The following PCDHGB4 variants were observed in gnomAD, a reference collection of about 807,000 sequenced individuals.
PCDHGB4 encodes protocadherin gamma-B4.
Under a neutral mutation model 60.5 loss-of-function variants are expected in PCDHGB4, and 38 were observed. That is an observed-to-expected ratio of 0.63 (90% CI 0.48 to 0.82). The LOEUF is 0.82. Ranked by LOEUF, PCDHGB4 falls within the 40% of genes least tolerant of loss-of-function variation. PCDHGB4 has a pLI of 0.00. For synonymous variants in PCDHGB4, 456 were observed against 509.7 expected (o/e 0.89, Z 1.42); for missense variants, 1,109 against 1,209.6 (o/e 0.92, Z 1.23).
chr5:141,476,743 T>A lies in PCDHGB4; in HGVS notation c.2398-18064T>A. On this transcript the variant is annotated intron_variant, in intron 1 of 3. Coordinates refer to ENST00000519479, the MANE Select transcript of PCDHGB4 (RefSeq NM_003736.4). The surrounding 1 kb of genome is among the most constrained non-coding windows in gnomAD (Gnocchi z 7.6). ...CCCTGGACCGAGAACGGGAGCCTAG[T>A]CTCCAGTTAGTGCTGACGGCGTTGG... is the stretch of plus-strand genomic sequence containing the variant. The A allele has an allele frequency of 6.2e-7, 1 of 1,613,932 alleles. No individual in the cohort carries two copies. The highest frequency in any genetic ancestry group is 1.1e-5 in the South Asian group (1 of 91,064).
chr5:141,506,266 T>A (rs1397052417), intron 3 of PCDHGB4, among the ~76,000 whole-genome samples: 1 of 151,862 alleles, frequency 6.6e-6, no homozygotes, highest in Non-Finnish European at 1.5e-5. Context: ...CTGGCCAACA[T>A]AGTGAAACCC....
At chr5:141,419,724 G>T in intron 1 of PCDHGB4, 1 of 1,613,488 alleles carries the variant, frequency 6.2e-7, no homozygotes, top group Non-Finnish European at 8.5e-7. Flanking sequence ...CTGGGGCTGC[G>T]AACAGGCGAG....
At chr5:141,414,949 G>C (rs774769957) in intron 1 of PCDHGB4, 13 of 1,613,978 alleles carry the variant, frequency 8.1e-6, no homozygotes, top group African/African-American at 1.3e-5. Context: ...CGGCTACCTG[G>C]TGACCAAGGT....
intron 2 of PCDHGB4, among the ~76,000 whole-genome samples, chr5:141,500,399 C>T (rs966328306): frequency 1.3e-5 from 2 of 151,806 alleles, no homozygotes; most frequent in South Asian, 2.1e-4. Context: ...TTAGTAGAGA[C>T]GGGGTTTCAC....
chr5:141,436,167 G>A (rs933669166), intron 1 of PCDHGB4, among the ~76,000 whole-genome samples: 2 of 152,088 alleles, frequency 1.3e-5, no homozygotes, highest in Non-Finnish European at 2.9e-5. Flanking sequence ...CATATGGACA[G>A]TTCTCATATA....
Position 141,485,665 on chromosome 5 carries a change from C to G in PCDHGB4, c.2398-9142C>G. ...AGGCTCAGGATGCAGATGTGGGGAG[C>G]AATTCGATTAGCAGCTATAGGCTGA... On this transcript the variant is annotated intron_variant, in intron 1 of 3. Coordinates refer to ENST00000519479, the MANE Select transcript of PCDHGB4 (RefSeq NM_003736.4). This position sits in a 1 kb window ranked among gnomAD's most constrained non-coding sequence, Gnocchi z 5.7. 1 of 1,612,622 alleles carries G rather than the reference C, an allele frequency of 6.2e-7. No individual in the cohort carries two copies.
chr5:141,422,028 A>C, intron 1 of PCDHGB4: 1 of 1,611,196 alleles, frequency 6.2e-7, no homozygotes, highest in Non-Finnish European at 8.5e-7. Flanking sequence ...TGGTTAATGC[A>C]ACGGATCCAG....
chr5:141,480,217 G>A (rs1443825272), intron 1 of PCDHGB4, among the ~76,000 whole-genome samples: 2 of 147,950 alleles, frequency 1.4e-5, no homozygotes, highest in Non-Finnish European at 3.0e-5. Context: ...CAGCCTGAGC[G>A]ACATAGTGAG....
intron 3 of PCDHGB4, chr5:141,508,128 T>C (rs1490298338): frequency 6.6e-6 from 1 of 151,706 alleles, no homozygotes; most frequent in African/African-American, 2.4e-5. Context: ...CAGAGGGAGG[T>C]CAGGGAGCTG....
chr5:141,408,431 G>A, intron 1 of PCDHGB4: 1 of 1,614,064 alleles, frequency 6.2e-7, no homozygotes. Flanking sequence ...GCACTTCAGC[G>A]TAGACGCGGA....
chr5:141,400,133 C>T, intron 1 of PCDHGB4: 1 of 1,614,066 alleles, frequency 6.2e-7, no homozygotes, highest in Non-Finnish European at 8.5e-7. Context: ...GAGGTGCTGC[C>T]GGATATCACT....
At chr5:141,405,978 T>G (rs1280230437) in intron 1 of PCDHGB4, among the ~76,000 whole-genome samples, 1 of 152,144 alleles carries the variant, frequency 6.6e-6, no homozygotes, top group Non-Finnish European at 1.5e-5. Context: ...TAAACCATAC[T>G]TCATGGGGTA....
At chr5:141,478,044 C>T in intron 1 of PCDHGB4, 2 of 1,614,184 alleles carry the variant, frequency 1.2e-6, no homozygotes, top group South Asian at 1.1e-5. Flanking sequence ...CCCAGGCAGA[C>T]TCTCACGGTC....
Position 141,489,662 on chromosome 5 carries a change from G to T in PCDHGB4, c.2398-5145G>T, listed in dbSNP as rs2233601. On this transcript the variant is annotated intron_variant, in intron 1 of 3. Transcript: ENST00000519479. The surrounding 1 kb of genome is among the most constrained non-coding windows in gnomAD (Gnocchi z 4.5). Reference sequence around the variant, plus strand: ...TTTGCCACCCCTGAGCGAGAGATGCGCATCTCAGAATCAGCAGCATCTGGG... The same window carrying T: ...TTTGCCACCCCTGAGCGAGAGATGCTCATCTCAGAATCAGCAGCATCTGGG... 2.5e-6 allele frequency: 4 copies of T among 1,614,024 alleles called. No homozygotes were observed. The African/African-American group carries it at 4.0e-5, about 16-fold the overall frequency.
At chr5:141,401,861 G>T (rs934405271) in intron 1 of PCDHGB4, among the ~76,000 whole-genome samples, 1 of 152,122 alleles carries the variant, frequency 6.6e-6, no homozygotes, top group African/African-American at 2.4e-5. Flanking sequence ...TAACCTTTCA[G>T]TAGTTTTCTT....
intron 1 of PCDHGB4, chr5:141,404,204 T>A: frequency 6.2e-7 from 1 of 1,613,718 alleles, no homozygotes; most frequent in Non-Finnish European, 8.5e-7. Context: ...AGCCTCAGAA[T>A]ATAATATCAC....
chr5:141,433,042 G>T (rs752612411), intron 1 of PCDHGB4: 10 of 1,614,024 alleles, frequency 6.2e-6, no homozygotes, highest in East Asian at 4.5e-5. Flanking sequence ...CCCTCACCAC[G>T]GACTCGCGGA....
chr5:141,476,551 C>G lies in PCDHGB4; in HGVS notation c.2398-18256C>G, dbSNP rs367700651. ...CCCAGGAAATGAAATTGGAGATTAG[C>G]GAGGCCGTGGCTCCGGGGACGCGCT... On this transcript the variant is annotated intron_variant, in intron 1 of 3. Transcript: ENST00000519479. The surrounding 1 kb of genome is among the most constrained non-coding windows in gnomAD (Gnocchi z 7.6). 128 of 1,614,078 alleles carry G rather than the reference C, an allele frequency of 7.9e-5. No homozygotes were observed. Among genetic ancestry groups the G allele is most frequent in the Non-Finnish European group, 1.0e-4 (122 of 1,180,034 alleles).
intron 1 of PCDHGB4, among the ~76,000 whole-genome samples, chr5:141,442,609 TA>T (rs1238913928): frequency 6.6e-6 from 1 of 152,112 alleles, no homozygotes; most frequent in African/African-American, 2.4e-5. Flanking sequence ...GAGATCTCAG[TA>T]AAAAGCATTT....
Sources: gnomAD v4.1 joint callset for allele counts (sites outside exome capture counted in the v4.1 genomes callset) on GRCh38, gnomAD v4.1.1 for gene constraint, Gnocchi (gnomAD v3.1) non-coding constraint, MANE v1.5 for transcripts, NCBI Gene and HGNC (gene_info 2026-07-23, HGNC 2026-07-21) for gene names.